The following HECTD4 variants were observed in gnomAD, a reference collection of about 807,000 sequenced individuals.
The protein encoded by HECTD4 is HECT domain E3 ubiquitin protein ligase 4.
Under a neutral mutation model 471.5 loss-of-function variants are expected in HECTD4, and 114 were observed. The observed-to-expected ratio is 0.24, with a 90% CI of 0.21 to 0.28. HECTD4 has a LOEUF of 0.28. Ranked by LOEUF, HECTD4 falls within the 10% of genes least tolerant of loss-of-function variation. The pLI is 1.00. For synonymous variants in HECTD4, 2,012 were observed against 2,256.0 expected, an observed-to-expected ratio of 0.89 and a Z score of 3.07; for missense variants, 3,866 against 5,651.5, an observed-to-expected ratio of 0.68 and a Z score of 10.13.
Position 112,175,790 on chromosome 12 carries a change from A to C in HECTD4, c.11540T>G (p.Ile3847Ser). Residue 3847 changes from isoleucine to serine, a missense_variant, in exon 66 of 76, where the codon ATC becomes AGC. Coordinates refer to ENST00000682272, the MANE Select transcript of HECTD4 (RefSeq NM_001388303.1). ...KFVIDRARQD[I>S]RSVWRAILSC... ...CAAGATCGCCCTCCAGACGCTACGG[A>C]TATCTTGCCTGGCTCGGTCAATAAC... The C allele has an allele frequency of 6.2e-7, 1 of 1,613,540 alleles. No homozygotes were observed. Among genetic ancestry groups the C allele is most frequent in the East Asian group, 2.2e-5 (1 of 44,880 alleles).
At chr12:112,297,405 T>C (rs1351743359) in intron 7 of HECTD4, among the ~76,000 whole-genome samples, 1 of 150,228 alleles carries the variant, frequency 6.7e-6, no homozygotes, top group African/African-American at 2.5e-5. Context: ...GTGCAACAGG[T>C]TGTAGGTGCA....
Position 112,306,122 on chromosome 12 carries a change from C to G in HECTD4, c.1277G>C (p.Ser426Thr). Residue 426 changes from serine (S) to threonine (T), a missense_variant, in exon 7 of 76, where the codon AGC becomes ACC. By Grantham distance (58) the Ser-to-Thr change is moderately conservative (BLOSUM62 1). Around this residue, in one of 16 missense-constraint regions of HECTD4, gnomAD observed 440 missense variants for 636.0 expected, o/e 0.69. Transcript: ENST00000682272. ...TCCCTTCGGTGTTTTCTCATTCAGG[C>G]TGGCAGGAGACCAGATCCAATAGAA... ...TYFYWIWSPA[S>T]LNEKTPKGHS... 1 of 1,613,060 alleles carries G rather than the reference C, an allele frequency of 6.2e-7. No homozygotes were observed. The highest frequency in any genetic ancestry group is 1.1e-5 in the South Asian group (1 of 90,922).
chr12:112,271,814 C>A (rs1478206736), intron 11 of HECTD4, among the ~76,000 whole-genome samples: 1 of 151,898 alleles, frequency 6.6e-6, no homozygotes, highest in African/African-American at 2.4e-5. Flanking sequence ...TACTGAAATT[C>A]TCAATTTGCT....
intron 1 of HECTD4, among the ~76,000 whole-genome samples, chr12:112,350,760 T>G (rs968038970): frequency 6.6e-6 from 1 of 152,238 alleles, no homozygotes; most frequent in Non-Finnish European, 1.5e-5. Flanking sequence ...TCAATGTTCA[T>G]TCTCCACATA....
At chr12:112,276,480 G>A (rs909921168) in intron 9 of HECTD4, among the ~76,000 whole-genome samples, 1 of 152,022 alleles carries the variant, frequency 6.6e-6, no homozygotes, top group Non-Finnish European at 1.5e-5. Context: ...ACAGAATCTC[G>A]CTCTGTCGCC....
chr12:112,183,513 C>T (rs1009018979), intron 61 of HECTD4, among the ~76,000 whole-genome samples: 1 of 152,196 alleles, frequency 6.6e-6, no homozygotes. Context: ...TGGCTTTACT[C>T]TGATTCCCAG....
chr12:112,359,182 C>CAA (rs879580703), intron 1 of HECTD4, among the ~76,000 whole-genome samples: 2 of 125,438 alleles, frequency 1.6e-5, no homozygotes, highest in African/African-American at 5.9e-5. Context: ...GACTCCGTCT[C>CAA]AAAAAAAAAA....
Position 112,228,720 on chromosome 12 carries a change from T to C in HECTD4, c.6611A>G (p.Asp2204Gly). The change falls in exon 42 of 76, where the codon GAC becomes GGC. Residue 2204 changes from aspartate to glycine, a missense_variant. Coordinates refer to ENST00000682272, the MANE Select transcript of HECTD4 (RefSeq NM_001388303.1). The surrounding 1 kb of genome is among the most constrained non-coding windows in gnomAD (Gnocchi z 4.9). ...TGACGCTTGCGAAGTCTTTCTACAG[T>C]CTATGGGTGGGAATCTGACTGTAGC... is the stretch of plus-strand genomic sequence containing the variant. The part of the protein sequence containing the change: ...GIATVRFPPI[D>G]CRKTSQASDT... 1.2e-6 allele frequency: 2 copies of C among 1,613,758 alleles called. No homozygotes were observed. Among genetic ancestry groups the C allele is most frequent in the Non-Finnish European group, 1.7e-6 (2 of 1,179,800 alleles).
chr12:112,234,965 G>C, intron 37 of HECTD4, 112 bp downstream of exon 37: 1 of 846,272 alleles, frequency 1.2e-6, no homozygotes, highest in East Asian at 2.7e-5. Flanking sequence ...CTACCTGAAA[G>C]GGGTGTAAAG....
intron 29 of HECTD4, among the ~76,000 whole-genome samples, chr12:112,245,710 CTTGT>C (rs1322403113): frequency 6.6e-6 from 1 of 152,222 alleles, no homozygotes; most frequent in Non-Finnish European, 1.5e-5. Flanking sequence ...CATTTAAGAA[CTTGT>C]TTATTTAACT....
chr12:112,165,509 G>A (rs1485951913), intron 72 of HECTD4, among the ~76,000 whole-genome samples: 1 of 151,686 alleles, frequency 6.6e-6, no homozygotes, highest in Non-Finnish European at 1.5e-5. Context: ...CCGCCACCAT[G>A]CCTGGCTAAT....
At chr12:112,271,686 T>G (rs1037824519) in intron 11 of HECTD4, among the ~76,000 whole-genome samples, 4 of 152,236 alleles carry the variant, frequency 2.6e-5, no homozygotes, top group African/African-American at 9.7e-5. Context: ...TGCTGCTTTC[T>G]TCTCCCAGCA....
chr12:112,258,017 G>A (rs1434034745), intron 20 of HECTD4, among the ~76,000 whole-genome samples: 1 of 151,840 alleles, frequency 6.6e-6, no homozygotes, highest in African/African-American at 2.4e-5. Flanking sequence ...GTGAGACCTC[G>A]TCTCTACTAA....
At chr12:112,281,679 C>T (rs1206440009) in intron 8 of HECTD4, among the ~76,000 whole-genome samples, 1 of 152,188 alleles carries the variant, frequency 6.6e-6, no homozygotes, top group Non-Finnish European at 1.5e-5. Context: ...AAATAAAATA[C>T]TGTCCTTAAA....
chr12:112,196,462 T>G (rs1182193382), intron 55 of HECTD4, among the ~76,000 whole-genome samples: 1 of 152,174 alleles, frequency 6.6e-6, no homozygotes, highest in Non-Finnish European at 1.5e-5. Flanking sequence ...TTCACTGCAT[T>G]AACAAAGCAC....
intron 19 of HECTD4, 145 bp downstream of exon 19, chr12:112,258,967 T>G (rs1396667501): frequency 4.1e-6 from 3 of 728,092 alleles, no homozygotes; most frequent in African/African-American, 3.6e-5. Flanking sequence ...TTTTATGACA[T>G]GATATTTTTC....
At position 112,256,480 on chromosome 12, in the gene HECTD4, C is replaced by A; in HGVS notation, c.3167G>T (p.Gly1056Val). The change falls in exon 21 of 76, where the codon GGT becomes GTT. Residue 1056 changes from glycine to valine, a missense_variant. By Grantham distance (109) the Gly-to-Val change is moderately radical. This residue lies in a region of HECTD4 where 525 missense variants were observed against 672.6 expected (regional missense o/e 0.78). Coordinates refer to ENST00000682272, the MANE Select transcript of HECTD4 (RefSeq NM_001388303.1). ...EEKEEPGFLT[G>V]LKIPAPWAAG... Reference sequence around the variant, plus strand: ...AGCCCATGGGGCAGGAATCTTTAAACCAGTGAGAAATCCTGGCTCTTCCTT... The same window carrying A: ...AGCCCATGGGGCAGGAATCTTTAAAACAGTGAGAAATCCTGGCTCTTCCTT... The A allele has an allele frequency of 6.2e-7, 1 of 1,602,006 alleles. No homozygotes were observed. The highest frequency in any genetic ancestry group is 8.5e-7 in the Non-Finnish European group (1 of 1,175,680).
rs1425824891 is a variant in HECTD4 at position 112,381,315 on chromosome 12, C to T, written c.177+637G>A. On this transcript the variant is annotated intron_variant, in intron 1 of 75. Transcript: ENST00000682272. This position sits in a 1 kb window ranked among gnomAD's most constrained non-coding sequence, Gnocchi z 4.1. ...GGCCTAACGCGCCAGTGACCCTTCC[C>T]CGAGAGTGCATGGAGGGCCGCTGGA... is the stretch of plus-strand genomic sequence containing the variant. Among the ~76,000 whole-genome samples, 4 of 152,286 alleles carry T rather than the reference C, an allele frequency of 2.6e-5. No homozygotes were observed. The highest frequency in any genetic ancestry group is 5.9e-5 in the Non-Finnish European group (4 of 68,028).
chr12:112,215,075 C>T (rs2032877086), intron 48 of HECTD4, among the ~76,000 whole-genome samples: 1 of 152,096 alleles, frequency 6.6e-6, no homozygotes, highest in South Asian at 2.1e-4. Flanking sequence ...ATTGCTTGAG[C>T]CCAGGAGGCG....
Sources: allele counts gnomAD v4.1 joint callset (sites outside exome capture counted in the v4.1 genomes callset), GRCh38; gene constraint gnomAD v4.1.1; regional missense constraint gnomAD v4.1.1; non-coding constraint Gnocchi (gnomAD v3.1); transcripts MANE v1.5; gene names NCBI Gene and HGNC (gene_info 2026-07-23, HGNC 2026-07-21).